GLRB: variants seen among roughly 807,000 people sequenced by gnomAD.
GLRB encodes the protein glycine receptor beta.
A neutral mutation model predicts 54.2 loss-of-function variants in GLRB; 33 were observed. The observed-to-expected ratio is 0.61, with a 90% CI of 0.46 to 0.81. GLRB has a LOEUF of 0.81. Ranked by LOEUF, GLRB falls within the 40% of genes least tolerant of loss-of-function variation. The pLI is 0.00. For synonymous variants in GLRB, 209 were observed against 208.2 expected (o/e 1.00, Z -0.03); for missense variants, 572 against 584.6 (o/e 0.98, Z 0.22).
At chr4:157,104,485 C>T (rs542364009) in intron 2 of GLRB, among the ~76,000 whole-genome samples, 1 of 149,934 alleles carries the variant, frequency 6.7e-6, no homozygotes, top group East Asian at 2.0e-4. Context: ...AGGTTTGCAT[C>T]TTTGTTCATC....
rs180956564 is a variant in GLRB at position 157,162,075 on chromosome 4, T to C, written c.1198-8357T>C. ...AAACTTCTCTTCTCGCTTCATTTCA[T>C]TCATTTGATCTTCAATCACTGATAC... On this transcript the variant is annotated intron_variant, in intron 9 of 9. Transcript: ENST00000264428. Among the ~76,000 whole-genome samples, 45 of 152,352 alleles carry C rather than the reference T, an allele frequency of 3.0e-4. No individual in the cohort carries two copies. In the East Asian group the frequency reaches 8.3e-3, roughly 28 times the overall value.
At chr4:157,110,079 G>A (rs189076954) in intron 2 of GLRB, among the ~76,000 whole-genome samples, 10 of 151,984 alleles carry the variant, frequency 6.6e-5, no homozygotes, top group South Asian at 4.2e-4. Context: ...TGAAGGTTGC[G>A]GGGTGGGAAT....
intron 2 of GLRB, among the ~76,000 whole-genome samples, chr4:157,103,387 A>G (rs1236719391): frequency 1.3e-5 from 2 of 152,160 alleles, no homozygotes; most frequent in East Asian, 3.9e-4. Context: ...AATTGTGCTT[A>G]CCTTGAGGCC....
intron 2 of GLRB, among the ~76,000 whole-genome samples, chr4:157,097,419 G>A (rs1734852604): frequency 6.6e-6 from 1 of 152,112 alleles, no homozygotes; most frequent in Admixed American, 6.6e-5. Flanking sequence ...AAACACCTAT[G>A]TATTAACTCC....
chr4:157,163,819 T>TGTGTGA (rs1025395291), intron 9 of GLRB, among the ~76,000 whole-genome samples: 1 of 147,184 alleles, frequency 6.8e-6, no homozygotes, highest in African/African-American at 2.6e-5. Context: ...TTTTATAGTC[T>TGTGTGA]GTCTGTGTGA....
intron 8 of GLRB, among the ~76,000 whole-genome samples, chr4:157,147,161 T>A (rs1261206254): frequency 6.6e-6 from 1 of 152,136 alleles, no homozygotes; most frequent in African/African-American, 2.4e-5. Context: ...AATTTAAACT[T>A]TGTCAAAATA....
In GLRB at chr4:157,158,008, C is replaced by T. The variant is rs1451278755; in HGVS notation, c.1197+4998C>T. Among the ~76,000 whole-genome samples, 3 of 152,128 alleles carry T rather than the reference C, an allele frequency of 2.0e-5. No homozygotes were observed. In the East Asian group the frequency reaches 5.8e-4, roughly 29 times the overall value. On this transcript the variant is annotated intron_variant, in intron 9 of 9. Transcript: ENST00000264428. Reference sequence around the variant, plus strand: ...CATCCTCTCCAGCACCTGTTGTTTCCTGACTTTAATGATCACCATTCTAAC... The same window carrying T: ...CATCCTCTCCAGCACCTGTTGTTTCTTGACTTTAATGATCACCATTCTAAC...
Position 157,165,888 on chromosome 4 carries a change from C to G in GLRB, c.1198-4544C>G, listed in dbSNP as rs553008315. On this transcript the variant is annotated intron_variant, in intron 9 of 9. Coordinates refer to ENST00000264428, the MANE Select transcript of GLRB (RefSeq NM_000824.5). ...GCTGCTGTTTATATGTAAAGGAGAT[C>G]TTTTAATGGTAATGATTTAATGGAC... 8.5e-4 allele frequency among the ~76,000 whole-genome samples: 129 copies of G among 152,028 alleles called. 1 individual carries two copies. The highest frequency in any genetic ancestry group is 2.5e-3 in the South Asian group (12 of 4,812).
chr4:157,125,207 C>T (rs946300461), intron 4 of GLRB, among the ~76,000 whole-genome samples: 7 of 151,830 alleles, frequency 4.6e-5, no homozygotes, highest in African/African-American at 1.7e-4. Flanking sequence ...TGAGAGGATA[C>T]TTCTTCAAAA....
chr4:157,109,207 T>C (rs1394071107), intron 2 of GLRB, among the ~76,000 whole-genome samples: 2 of 152,068 alleles, frequency 1.3e-5, no homozygotes, highest in Non-Finnish European at 2.9e-5. Flanking sequence ...TATTTCCTAT[T>C]GGTTCTGTCT....
At chr4:157,103,620 G>T (rs1409485992) in intron 2 of GLRB, among the ~76,000 whole-genome samples, 1 of 152,058 alleles carries the variant, frequency 6.6e-6, no homozygotes, top group African/African-American at 2.4e-5. Context: ...GAATTGATCT[G>T]CTGATCCTTT....
At position 157,170,432 on chromosome 4, in the gene GLRB, G is replaced by A; in HGVS notation, c.1198G>A (p.Val400Ile). 1.3e-6 allele frequency: 2 copies of A among 1,558,310 alleles called. No individual in the cohort carries two copies. Among genetic ancestry groups the A allele is most frequent in the Admixed American group, 1.7e-5 (1 of 59,732 alleles). ...GTPVHISTLQ[V>I]GETRCKKVCT... ...CATTGTCTTCAATATTTATTCTTAGGTTGGTGAGACCAGATGCAAAAAAGT... is the reference window on the plus strand; with the variant it reads ...CATTGTCTTCAATATTTATTCTTAGATTGGTGAGACCAGATGCAAAAAAGT... Residue 400 changes from valine to isoleucine, a missense_variant and splice_region_variant, in exon 10 of 10, where the codon GTT becomes ATT. Transcript: ENST00000264428.
At chr4:157,100,738 T>G (rs1243893367) in intron 2 of GLRB, among the ~76,000 whole-genome samples, 1 of 152,158 alleles carries the variant, frequency 6.6e-6, no homozygotes, top group Non-Finnish European at 1.5e-5. Flanking sequence ...ATGTAGACAT[T>G]TACTTTCAGC....
At chr4:157,093,796 C>T (rs1344156845) in intron 2 of GLRB, among the ~76,000 whole-genome samples, 12 of 149,802 alleles carry the variant, frequency 8.0e-5, no homozygotes, top group African/African-American at 2.7e-4. Flanking sequence ...TTCCCCTTGG[C>T]TCTGCTTTCA....
intron 6 of GLRB, among the ~76,000 whole-genome samples, chr4:157,137,963 G>C (rs1198986627): frequency 1.3e-5 from 2 of 152,280 alleles, no homozygotes; most frequent in African/African-American, 2.4e-5. Flanking sequence ...AAATGTGTGT[G>C]CTTCAGGGTG....
At chr4:157,153,057 T>C in intron 9 of GLRB, 47 bp downstream of exon 9, 3 of 1,475,700 alleles carry the variant, frequency 2.0e-6, no homozygotes, top group Non-Finnish European at 2.8e-6. Context: ...AACCACTTCA[T>C]AGTGTCAAGA....
intron 2 of GLRB, chr4:157,084,644 A>G (rs1734341951): frequency 4.4e-6 from 2 of 455,730 alleles, no homozygotes; most frequent in Admixed American, 4.7e-5. Flanking sequence ...TGCCGTTATG[A>G]TTTTTTTTGT....
intron 2 of GLRB, among the ~76,000 whole-genome samples, chr4:157,101,585 G>C (rs1240543562): frequency 2.0e-5 from 3 of 152,010 alleles, no homozygotes; most frequent in Non-Finnish European, 4.4e-5. Flanking sequence ...ATGAGATTTA[G>C]ATCTCATTGC....
At chr4:157,120,471 G>A (rs1735772361) in intron 2 of GLRB, 85 bp from the exon 3 acceptor site, 1 of 611,422 alleles carries the variant, frequency 1.6e-6, no homozygotes, top group Non-Finnish European at 3.0e-6. Flanking sequence ...GTCTCAAAAA[G>A]GCAGTCTTTC....
Sources: gnomAD v4.1 joint callset for allele counts (sites outside exome capture counted in the v4.1 genomes callset) on GRCh38, gnomAD v4.1.1 for gene constraint, MANE v1.5 for transcripts, NCBI Gene and HGNC (gene_info 2026-07-23, HGNC 2026-07-21) for gene names.